The following CCDC148 variants were observed in gnomAD, a reference collection of about 807,000 sequenced individuals.
The protein encoded by CCDC148 is coiled-coil domain containing 148.
In CCDC148, 89 loss-of-function variants were observed where a neutral mutation model predicts 85.7. The ratio of observed to expected loss-of-function variants is 1.04; its 90% CI spans 0.87 to 1.24. The LOEUF (loss-of-function observed/expected upper bound fraction) is 1.24. Ranked by LOEUF, CCDC148 falls within the 50% of genes most tolerant of loss-of-function variation. The probability of loss-of-function intolerance (pLI) is 0.00; values close to 1 mark genes in which losing one functional copy is unlikely to be tolerated. For missense variants in CCDC148, 692 were observed against 671.7 expected, an observed-to-expected ratio of 1.03 and a Z score of -0.33; for synonymous variants, 230 against 213.9, an observed-to-expected ratio of 1.08 and a Z score of -0.66.
At chr2:158,381,958 C>A (rs1339996843) in intron 1 of CCDC148, among the ~76,000 whole-genome samples, 1 of 152,124 alleles carries the variant, frequency 6.6e-6, no homozygotes, top group Admixed American at 6.6e-5. Context: ...GAATCCCCAA[C>A]GTGTCTGTAT....
chr2:158,364,700 G>A (rs765203644), intron 1 of CCDC148, among the ~76,000 whole-genome samples: 12 of 152,132 alleles, frequency 7.9e-5, no homozygotes, highest in South Asian at 2.1e-4. Flanking sequence ...ACCTAAAACC[G>A]TAACAGTCCT....
At chr2:158,367,181 AAG>A (rs1425522189) in intron 1 of CCDC148, among the ~76,000 whole-genome samples, 1 of 152,210 alleles carries the variant, frequency 6.6e-6, no homozygotes. Flanking sequence ...TGGAAAACTG[AAG>A]AGCATTCCAC....
Position 158,251,479 on chromosome 2 carries a change from G to A in CCDC148, c.1111-567C>T, listed in dbSNP as rs564680517. The stretch of plus-strand genomic sequence containing the variant: ...GGTATTAGGTAATATGTAAATATGC[G>A]TCACAATATAAAAAATGCATAGCCT... On this transcript the variant is annotated intron_variant, in intron 9 of 13. Transcript: ENST00000283233. 5.9e-5 allele frequency among the ~76,000 whole-genome samples: 9 copies of A among 151,806 alleles called. No individual in the cohort carries two copies. In the South Asian group the frequency reaches 6.2e-4, roughly 11 times the overall value.
Position 158,456,429 on chromosome 2 carries a change from G to A in CCDC148, c.11C>T (p.Ala4Val), listed in dbSNP as rs201959425. MCA[A>V]SASPDNLVFH... is the part of the protein sequence containing the mutation. ...TGCAAACTCACCTGGAGAAGCAGAA[G>A]CTGCACACATGTCAAAGGTCAAAGG... is the stretch of plus-strand genomic sequence containing the variant. The change falls in exon 1 of 14, where the codon GCT becomes GTT. Residue 4 changes from alanine to valine, a missense_variant. Physicochemically the swap from Ala to Val is moderately conservative, Grantham distance 64. Transcript: ENST00000283233. 5.0e-4 allele frequency: 811 copies of A among 1,611,876 alleles called. 6 individuals carry two copies. Among genetic ancestry groups the A allele is most frequent in the Middle Eastern group, 1.7e-4 (1 of 6,060 alleles).
intron 9 of CCDC148, among the ~76,000 whole-genome samples, chr2:158,282,983 C>T (rs940724153): frequency 6.6e-6 from 1 of 152,140 alleles, no homozygotes; most frequent in Admixed American, 6.5e-5. Context: ...TGCATATCTA[C>T]AACTATGTGA....
chr2:158,289,625 T>C (rs551478842), intron 9 of CCDC148, among the ~76,000 whole-genome samples: 2 of 152,342 alleles, frequency 1.3e-5, no homozygotes, highest in East Asian at 3.9e-4. Flanking sequence ...CTTTTATATG[T>C]AGCTGGTACA....
At chr2:158,243,774 G>A (rs1688449229) in intron 10 of CCDC148, among the ~76,000 whole-genome samples, 1 of 152,100 alleles carries the variant, frequency 6.6e-6, no homozygotes, top group Non-Finnish European at 1.5e-5. Flanking sequence ...AATCTAGATA[G>A]GTCAAGAAGT....
At chr2:158,399,580 T>G in intron 1 of CCDC148, among the ~76,000 whole-genome samples, 1 of 152,150 alleles carries the variant, frequency 6.6e-6, no homozygotes, top group East Asian at 1.9e-4. Flanking sequence ...TCAACAGCTT[T>G]TCATGCTAAA....
chr2:158,287,258 T>C (rs545052588), intron 9 of CCDC148, among the ~76,000 whole-genome samples: 150 of 152,198 alleles, frequency 9.9e-4, no homozygotes, highest in Non-Finnish European at 1.8e-3. Context: ...CCATACCATA[T>C]CATTCCACCC....
At chr2:158,363,933 A>G (rs551392120) in intron 1 of CCDC148, among the ~76,000 whole-genome samples, 1 of 152,334 alleles carries the variant, frequency 6.6e-6, no homozygotes, top group African/African-American at 2.4e-5. Context: ...TCAGCCCAAA[A>G]TGTCTTCAAG....
At chr2:158,437,212 G>C (rs1268989446) in intron 1 of CCDC148, among the ~76,000 whole-genome samples, 1 of 152,106 alleles carries the variant, frequency 6.6e-6, no homozygotes, top group Non-Finnish European at 1.5e-5. Flanking sequence ...GATGAACATT[G>C]ATGCAAAAAT....
intron 1 of CCDC148, among the ~76,000 whole-genome samples, chr2:158,382,915 C>T (rs775414956): frequency 1.8e-4 from 27 of 151,492 alleles, no homozygotes; most frequent in Non-Finnish European, 2.2e-4. Context: ...AGTGAGACTC[C>T]GTCTCACAAA....
In CCDC148 at chr2:158,424,544, A is replaced by G. The variant is rs902041125; in HGVS notation, c.25+31871T>C. Among the ~76,000 whole-genome samples, 10 of 152,090 alleles carry G rather than the reference A, an allele frequency of 6.6e-5. No individual in the cohort carries two copies. The East Asian group carries it at 1.9e-3, about 30-fold the overall frequency. On this transcript the variant is annotated intron_variant, in intron 1 of 13. Coordinates refer to ENST00000283233, the MANE Select transcript of CCDC148 (RefSeq NM_138803.4). ...AGAACACTTGGACACAGGGTGGGGA[A>G]TATCACACACCAGGGCCTGTCATGG...
At chr2:158,239,939 A>C (rs1688277437) in intron 10 of CCDC148, among the ~76,000 whole-genome samples, 1 of 152,148 alleles carries the variant, frequency 6.6e-6, no homozygotes, top group Non-Finnish European at 1.5e-5. Context: ...AGATTCCCAA[A>C]GAAAAAGACT....
At chr2:158,223,607 TC>T (rs1011349473) in intron 10 of CCDC148, among the ~76,000 whole-genome samples, 3 of 152,118 alleles carry the variant, frequency 2.0e-5, no homozygotes, top group African/African-American at 7.2e-5. Flanking sequence ...GGCTGGGTAC[TC>T]CTCTGAGACA....
chr2:158,271,283 T>TC (rs907815561), intron 9 of CCDC148, among the ~76,000 whole-genome samples: 37 of 152,330 alleles, frequency 2.4e-4, no homozygotes, highest in African/African-American at 8.7e-4. Flanking sequence ...TTAACAGTAG[T>TC]CCCCCCTTAT....
chr2:158,414,073 T>C (rs538478085), intron 1 of CCDC148, among the ~76,000 whole-genome samples: 34 of 152,288 alleles, frequency 2.2e-4, no homozygotes, highest in African/African-American at 7.5e-4. Context: ...TGGAGGAAAT[T>C]TGAAAACTTT....
chr2:158,414,749 G>A (rs1344284510), intron 1 of CCDC148, among the ~76,000 whole-genome samples: 1 of 152,166 alleles, frequency 6.6e-6, no homozygotes. Context: ...AATGAGGAAT[G>A]AAGTAATTTA....
intron 1 of CCDC148, chr2:158,366,011 T>C (rs1459496249): frequency 2.6e-6 from 4 of 1,528,252 alleles, no homozygotes; most frequent in Admixed American, 2.0e-5. Context: ...GTAAGAAAAA[T>C]ACCTGAGCTA....
Sources: gnomAD v4.1 joint callset for allele counts (sites outside exome capture counted in the v4.1 genomes callset) on GRCh38, gnomAD v4.1.1 for gene constraint, MANE v1.5 for transcripts, NCBI Gene and HGNC (gene_info 2026-07-23, HGNC 2026-07-21) for gene names.